The following RHOJ variants were observed in gnomAD, a reference collection of about 807,000 sequenced individuals.
RHOJ encodes the protein rho-related GTP-binding protein RhoJ.
RHOJ carries 11 observed loss-of-function variants against 23.4 expected under a neutral mutation model. That is an observed-to-expected ratio of 0.47 (90% confidence interval 0.30 to 0.78). The LOEUF is 0.78. Ranked by LOEUF, RHOJ falls within the 30% of genes least tolerant of loss-of-function variation. The pLI is 0.08. For synonymous variants in RHOJ, 102 were observed against 102.7 expected (o/e 0.99, Z 0.04); for missense variants, 254 against 273.4 (o/e 0.93, Z 0.50).
intron 1 of RHOJ, among the ~76,000 whole-genome samples, chr14:63,206,113 T>A (rs1452296008): frequency 6.6e-6 from 1 of 152,172 alleles, no homozygotes; most frequent in Non-Finnish European, 1.5e-5. Flanking sequence ...CCATTTGAAA[T>A]CCTCCTTCTA....
chr14:63,270,585 A>G (rs1425436579), intron 2 of RHOJ, among the ~76,000 whole-genome samples: 1 of 152,158 alleles, frequency 6.6e-6, no homozygotes, highest in Non-Finnish European at 1.5e-5. Context: ...CCCAAACAGA[A>G]AGCATTCCAG....
chr14:63,239,532 T>C (rs1020132004), intron 1 of RHOJ, among the ~76,000 whole-genome samples: 2 of 152,222 alleles, frequency 1.3e-5, no homozygotes, highest in African/African-American at 4.8e-5. Flanking sequence ...TCTAAGAACA[T>C]TTGAAGACAA....
chr14:63,278,474 C>T (rs571650070), intron 2 of RHOJ, among the ~76,000 whole-genome samples: 7 of 151,976 alleles, frequency 4.6e-5, no homozygotes, highest in South Asian at 2.1e-4. Flanking sequence ...ATGTGCAGAA[C>T]GTGCAGGTTT....
chr14:63,268,993 G>A, intron 1 of RHOJ, 117 bp from the exon 2 acceptor site: 1 of 708,416 alleles, frequency 1.4e-6, no homozygotes, highest in Non-Finnish European at 2.5e-6. Context: ...ACATGAGCGA[G>A]GCATATGCTT....
Position 63,291,246 on chromosome 14 carries a change from A to G in RHOJ, c.*222A>G. 5 of 571,572 alleles carry G rather than the reference A, an allele frequency of 8.7e-6. No homozygotes were observed. Among genetic ancestry groups the G allele is most frequent in the South Asian group, 7.7e-5 (4 of 51,714 alleles). 35.4% of individuals were successfully genotyped at this position (571,572 alleles called of 1,614,324 possible). A position where few individuals can be genotyped will look rare whatever the true frequency, so the allele number is the denominator to read the frequency against. Reference sequence around the variant, plus strand: ...CATCCGTACTGCACGCTGTCTGAGAATGCTGGGCCTGGATTGCAGACAGTG... The same window carrying G: ...CATCCGTACTGCACGCTGTCTGAGAGTGCTGGGCCTGGATTGCAGACAGTG... On this transcript the variant is annotated 3_prime_UTR_variant, in exon 5 of 5. Coordinates refer to ENST00000316754, the MANE Select transcript of RHOJ (RefSeq NM_020663.5).
chr14:63,272,796 C>A (rs1400131852), intron 2 of RHOJ, among the ~76,000 whole-genome samples: 27 of 152,182 alleles, frequency 1.8e-4, no homozygotes. Flanking sequence ...GAGGCCAAGG[C>A]AGACAGATCA....
chr14:63,261,372 G>T (rs1010416588), intron 1 of RHOJ, among the ~76,000 whole-genome samples: 1 of 151,722 alleles, frequency 6.6e-6, no homozygotes, highest in African/African-American at 2.4e-5. Context: ...CTTTTCTATA[G>T]GACAGTAATC....
chr14:63,231,521 T>G (rs1894694879), intron 1 of RHOJ, among the ~76,000 whole-genome samples: 1 of 152,206 alleles, frequency 6.6e-6, no homozygotes, highest in Non-Finnish European at 1.5e-5. Flanking sequence ...TATAGCCATG[T>G]TAGGAATGGA....
At chr14:63,223,523 T>C (rs1164698785) in intron 1 of RHOJ, among the ~76,000 whole-genome samples, 3 of 152,234 alleles carry the variant, frequency 2.0e-5, no homozygotes, top group Non-Finnish European at 2.9e-5. Context: ...CAGAGTTTCA[T>C]GGGAAAGTTA....
chr14:63,286,712 G>A (rs2139668774), intron 4 of RHOJ, among the ~76,000 whole-genome samples: 1 of 152,280 alleles, frequency 6.6e-6, no homozygotes, highest in East Asian at 1.9e-4. Flanking sequence ...CAGTCTCTTA[G>A]ATTAAGCATG....
chr14:63,257,992 C>T (rs564255228), intron 1 of RHOJ, among the ~76,000 whole-genome samples: 7 of 149,498 alleles, frequency 4.7e-5, no homozygotes, highest in South Asian at 4.2e-4. Flanking sequence ...TTTGCGAGGC[C>T]GAGGCGGGTG....
At chr14:63,236,665 G>T (rs1254548229) in intron 1 of RHOJ, among the ~76,000 whole-genome samples, 1 of 151,904 alleles carries the variant, frequency 6.6e-6, no homozygotes, top group Non-Finnish European at 1.5e-5. Flanking sequence ...AACCAACCCA[G>T]TCTGTATGTG....
At chr14:63,206,558 G>A (rs566481554) in intron 1 of RHOJ, among the ~76,000 whole-genome samples, 2 of 152,218 alleles carry the variant, frequency 1.3e-5, no homozygotes, top group South Asian at 4.1e-4. Context: ...TAAATCAAAG[G>A]CGGAACTGAA....
intron 1 of RHOJ, among the ~76,000 whole-genome samples, chr14:63,207,843 A>T (rs1471588602): frequency 6.6e-6 from 1 of 152,250 alleles, no homozygotes; most frequent in Non-Finnish European, 1.5e-5. Flanking sequence ...GAACAAAGTG[A>T]TTAACATATG....
At chr14:63,210,747 A>T (rs1041436891) in intron 1 of RHOJ, among the ~76,000 whole-genome samples, 2 of 152,186 alleles carry the variant, frequency 1.3e-5, no homozygotes, top group African/African-American at 4.8e-5. Context: ...CTCCATTTTG[A>T]ATTTAGATTG....
At chr14:63,236,748 A>AACACACACACAC (rs59297455) in intron 1 of RHOJ, among the ~76,000 whole-genome samples, 4,429 of 138,328 alleles carry the variant, frequency 0.032, 82 homozygotes, top group African/African-American at 0.039. Context: ...AGAGGCTTGA[A>AACACACACACAC]ACACACACAC....
chr14:63,271,987 A>G (rs374758169), intron 2 of RHOJ, among the ~76,000 whole-genome samples: 3 of 152,230 alleles, frequency 2.0e-5, no homozygotes, highest in Admixed American at 6.5e-5. Flanking sequence ...CAGTGGCATC[A>G]ACATCACCAG....
intron 1 of RHOJ, among the ~76,000 whole-genome samples, chr14:63,233,603 G>A (rs1301896492): frequency 1.3e-5 from 2 of 152,166 alleles, no homozygotes; most frequent in Non-Finnish European, 2.9e-5. Context: ...ATTCATCAAT[G>A]TCCTTAGTTC....
chr14:63,242,034 G>A (rs1594761914), intron 1 of RHOJ, among the ~76,000 whole-genome samples: 1 of 152,176 alleles, frequency 6.6e-6, no homozygotes, highest in African/African-American at 2.4e-5. Context: ...AGCACAAAAT[G>A]TCTTTGAAAG....
Sources: allele counts gnomAD v4.1 joint callset (sites outside exome capture counted in the v4.1 genomes callset), GRCh38; gene constraint gnomAD v4.1.1; transcripts MANE v1.5; gene names NCBI Gene and HGNC (gene_info 2026-07-23, HGNC 2026-07-21).